DACH2: variants seen among roughly 807,000 people sequenced by gnomAD.
The protein encoded by DACH2 is dachshund homolog 2.
In DACH2, 17 loss-of-function variants were observed where a neutral mutation model predicts 35.8. The ratio of observed to expected loss-of-function variants is 0.48; its 90% CI spans 0.33 to 0.71. DACH2 has a LOEUF of 0.71. Among genes scored for constraint, DACH2 ranks in the 30% least tolerant of loss-of-function variants. The probability of loss-of-function intolerance (pLI) is 0.02; values close to 1 mark genes in which losing one functional copy is unlikely to be tolerated. For missense variants in DACH2, 469 were observed against 472.7 expected (o/e 0.99, Z 0.07); for synonymous variants, 195 against 177.3 (o/e 1.10, Z -0.79).
chrX:86,302,678 G>T (rs1363809290), intron 1 of DACH2, among the ~76,000 whole-genome samples: 1 of 110,073 alleles, frequency 9.1e-6, no homozygotes, highest in African/African-American at 3.3e-5. Flanking sequence ...GTATACAATA[G>T]CTTTTAGATT....
chrX:86,815,187 G>T (rs553387694), intron 10 of DACH2, among the ~76,000 whole-genome samples: 1 of 111,734 alleles, frequency 8.9e-6, no homozygotes, highest in African/African-American at 3.2e-5. Flanking sequence ...TTGGTGAACT[G>T]TATTGTGATT....
chrX:86,547,876 C>T (rs779341825), intron 3 of DACH2, among the ~76,000 whole-genome samples: 1 of 112,092 alleles, frequency 8.9e-6, no homozygotes, highest in African/African-American at 3.2e-5. Flanking sequence ...CAGAAAGCTG[C>T]TGTTCTTGTT....
chrX:86,745,492 C>A (rs2041702124), intron 7 of DACH2, among the ~76,000 whole-genome samples: 1 of 111,080 alleles, frequency 9.0e-6, no homozygotes, highest in Admixed American at 9.6e-5. Context: ...ATTTATGTTC[C>A]ACTTATAAGT....
intron 1 of DACH2, among the ~76,000 whole-genome samples, chrX:86,176,581 A>T (rs1007832870): frequency 9.0e-6 from 1 of 111,534 alleles, no homozygotes; most frequent in Admixed American, 9.6e-5. Flanking sequence ...TTGTTAAACA[A>T]TGATTCTTAA....
intron 7 of DACH2, among the ~76,000 whole-genome samples, chrX:86,760,052 T>A (rs930892712): frequency 4.5e-5 from 5 of 112,030 alleles, no homozygotes; most frequent in Admixed American, 9.5e-5. Flanking sequence ...AATCCTGCCT[T>A]GTAAGCTTTT....
At chrX:86,447,002 T>A (rs1464871833) in intron 2 of DACH2, among the ~76,000 whole-genome samples, 3 of 66,998 alleles carry the variant, frequency 4.5e-5, no homozygotes, top group African/African-American at 1.7e-4. Context: ...TGGTGTGAGA[T>A]GATATCTCAT....
At chrX:86,363,444 T>G (rs2035765416) in intron 1 of DACH2, among the ~76,000 whole-genome samples, 2 of 111,735 alleles carry the variant, frequency 1.8e-5, no homozygotes, top group African/African-American at 6.5e-5. Context: ...ATTAAAATAA[T>G]TTGATCATGT....
chrX:86,710,159 T>C (rs184922704), intron 5 of DACH2, among the ~76,000 whole-genome samples: 2 of 112,504 alleles, frequency 1.8e-5, no homozygotes, highest in African/African-American at 6.4e-5. Context: ...GTGGTATATA[T>C]GTACTATGGA....
At chrX:86,203,224 C>A (rs1016176768) in intron 1 of DACH2, among the ~76,000 whole-genome samples, 4 of 111,030 alleles carry the variant, frequency 3.6e-5, no homozygotes, top group African/African-American at 1.3e-4. Flanking sequence ...TTTCAGTATA[C>A]TTAGTAAAAA....
chrX:86,794,060 A>G, intron 7 of DACH2, among the ~76,000 whole-genome samples: 1 of 111,980 alleles, frequency 8.9e-6, no homozygotes, highest in East Asian at 2.8e-4. Context: ...ATGGGAAGCC[A>G]TTGCCTGTAT....
chrX:86,740,346 A>G (rs1012439598), intron 7 of DACH2, among the ~76,000 whole-genome samples: 12 of 109,880 alleles, frequency 1.1e-4, no homozygotes, highest in African/African-American at 3.3e-4. Context: ...ATTTTATTTT[A>G]TTTATTTATT....
chrX:86,662,255 C>T (rs1166096989), intron 4 of DACH2, among the ~76,000 whole-genome samples: 1 of 111,150 alleles, frequency 9.0e-6, no homozygotes, highest in African/African-American at 3.3e-5. Context: ...GAAATGTAGG[C>T]AGAGTAAAGT....
At chrX:86,441,901 G>A (rs1271764257) in intron 2 of DACH2, among the ~76,000 whole-genome samples, 1 of 105,621 alleles carries the variant, frequency 9.5e-6, no homozygotes, top group Non-Finnish European at 1.9e-5. Flanking sequence ...ATATATATTA[G>A]TGACAGGGTC....
At chrX:86,298,277 T>C (rs1229594271) in intron 1 of DACH2, among the ~76,000 whole-genome samples, 1 of 111,853 alleles carries the variant, frequency 8.9e-6, no homozygotes, top group Non-Finnish European at 1.9e-5. Flanking sequence ...CTACCTCCAG[T>C]TTCTGTTTCC....
At chrX:86,302,121 T>C (rs1000291464) in intron 1 of DACH2, among the ~76,000 whole-genome samples, 2 of 111,571 alleles carry the variant, frequency 1.8e-5, no homozygotes, top group Non-Finnish European at 3.8e-5. Flanking sequence ...TTTATACATA[T>C]ATATTTTATT....
At chrX:86,159,267 GTTTA>G (rs2030664253) in intron 1 of DACH2, among the ~76,000 whole-genome samples, 1 of 110,874 alleles carries the variant, frequency 9.0e-6, no homozygotes, top group Non-Finnish European at 1.9e-5. Flanking sequence ...GATGAGAGTT[GTTTA>G]TTTTTGTTCA....
chrX:86,702,413 G>C (rs1257715417), intron 5 of DACH2, among the ~76,000 whole-genome samples: 2 of 110,832 alleles, frequency 1.8e-5, no homozygotes, highest in East Asian at 5.7e-4. Context: ...CAGGGGAAAA[G>C]AAATAACAAG....
At chrX:86,287,103 G>A in intron 1 of DACH2, among the ~76,000 whole-genome samples, 2 of 111,137 alleles carry the variant, frequency 1.8e-5, no homozygotes, top group South Asian at 3.8e-4. Flanking sequence ...TTGTTTGTCT[G>A]GGAAAGTCTT....
intron 3 of DACH2, among the ~76,000 whole-genome samples, chrX:86,573,125 CAAAGGAAGAGAGGAGGAAAG>C (rs1026214722): frequency 8.5e-5 from 9 of 106,332 alleles, no homozygotes; most frequent in African/African-American, 3.1e-4. Context: ...AAGGAAAGAT[CAAAGGAAGAGAGGAGGAAAG>C]AGAGGGAGGG....
Sources: allele counts gnomAD v4.1 joint callset (sites outside exome capture counted in the v4.1 genomes callset), GRCh38; gene constraint gnomAD v4.1.1; transcripts MANE v1.5; gene names NCBI Gene and HGNC (gene_info 2026-07-23, HGNC 2026-07-21).